Variants in FGD4 observed in about 807,000 individuals in gnomAD.
The protein encoded by FGD4 is FYVE, RhoGEF and PH domain-containing protein 4.
In FGD4, 42 loss-of-function variants were observed where a neutral mutation model predicts 102.0. The ratio of observed to expected loss-of-function variants is 0.41; its 90% CI spans 0.32 to 0.53. The LOEUF (loss-of-function observed/expected upper bound fraction) is 0.53, where lower values mean the gene tolerates loss of function less well. FGD4 is among the 20% of genes least tolerant of loss of function. FGD4 has a pLI of 0.21. For missense variants in FGD4, 902 were observed against 1,078.2 expected (o/e 0.84, Z 2.29); for synonymous variants, 380 against 375.7 (o/e 1.01, Z -0.13).
At chr12:32,497,180 T>C (rs1937873107) in intron 1 of FGD4, among the ~76,000 whole-genome samples, 1 of 152,138 alleles carries the variant, frequency 6.6e-6, no homozygotes, top group African/African-American at 2.4e-5. Context: ...GCTAACCACA[T>C]GAGAGGAATG....
intron 5 of FGD4, among the ~76,000 whole-genome samples, chr12:32,599,061 T>G (rs943179657): frequency 2.6e-5 from 4 of 152,244 alleles, no homozygotes; most frequent in Admixed American, 6.5e-5. Context: ...ATGAAACATT[T>G]AATATAGTAC....
chr12:32,576,357 G>A lies in FGD4; in HGVS notation c.411G>A (p.Arg137=). 1.9e-6 allele frequency: 3 copies of A among 1,614,100 alleles called. No homozygotes were observed. The highest frequency in any genetic ancestry group is 1.7e-6 in the Non-Finnish European group (2 of 1,180,018). Residue 137 remains arginine, a synonymous_variant, in exon 3 of 17, where the codon AGG becomes AGA. Coordinates refer to ENST00000534526, the MANE Select transcript of FGD4 (RefSeq NM_001370298.3). ...AAGCTTTACCTAGTGCAAAACCAAG[G>A]ATGGAGGAAATTAAACCTGCCTCTG... is the stretch of plus-strand genomic sequence containing the variant. The part of the protein sequence containing the change: ...RHKALPSAKP[R]MEEIKPASAS...
At chr12:32,570,240 C>CAAAAAAAA (rs150913094) in intron 2 of FGD4, among the ~76,000 whole-genome samples, 19 of 67,548 alleles carry the variant, frequency 2.8e-4, no homozygotes, top group South Asian at 5.9e-4. Context: ...GACGCTGTCT[C>CAAAAAAAA]AAAAAAAAAA....
intron 1 of FGD4, among the ~76,000 whole-genome samples, chr12:32,474,156 T>C (rs1269725693): frequency 2.0e-5 from 3 of 151,884 alleles, no homozygotes; most frequent in African/African-American, 7.3e-5. Flanking sequence ...CTGGTAGAAA[T>C]GTAAAATGGT....
chr12:32,416,406 G>A (rs543236971), intron 1 of FGD4, among the ~76,000 whole-genome samples: 2 of 152,154 alleles, frequency 1.3e-5, no homozygotes, highest in African/African-American at 4.8e-5. Context: ...TTGTTTTTTG[G>A]TCTTCTCTTC....
At chr12:32,482,607 G>T (rs1283330786) in intron 1 of FGD4, among the ~76,000 whole-genome samples, 1 of 152,158 alleles carries the variant, frequency 6.6e-6, no homozygotes, top group Non-Finnish European at 1.5e-5. Context: ...TATATAAAAT[G>T]ATTTGCTTAC....
rs1301015669 is a variant in FGD4 at position 32,636,078 on chromosome 12, A to AAT, written c.2313+2389_2313+2390insAT. Among the ~76,000 whole-genome samples, 7 of 151,150 alleles carry AAT rather than the reference A, an allele frequency of 4.6e-5. No homozygotes were observed. The East Asian group carries it at 9.7e-4, about 21-fold the overall frequency. ...TAATAAGAATGGAATTCTTTGGGGG[A>AAT]GGATAACCATTCACTTAATTGGAAT... is the stretch of plus-strand genomic sequence containing the variant. On this transcript the variant is annotated intron_variant, in intron 15 of 16. Transcript: ENST00000534526.
intron 1 of FGD4, among the ~76,000 whole-genome samples, chr12:32,414,659 A>G (rs923042439): frequency 1.3e-5 from 2 of 152,158 alleles, no homozygotes; most frequent in African/African-American, 2.4e-5. Flanking sequence ...GCACCCACAA[A>G]TAAGTGAGAA....
At chr12:32,432,293 C>G (rs1444424985) in intron 1 of FGD4, among the ~76,000 whole-genome samples, 2 of 151,508 alleles carry the variant, frequency 1.3e-5, no homozygotes, top group Non-Finnish European at 2.9e-5. Flanking sequence ...ATCTCCTGAC[C>G]TCGTGATCCG....
chr12:32,406,759 C>T (rs2651364), intron 1 of FGD4, among the ~76,000 whole-genome samples: 14,461 of 151,926 alleles, frequency 0.095, 1,318 homozygotes, highest in African/African-American at 0.21. Context: ...ACACCCTTGA[C>T]ATAGTGACTC....
At chr12:32,577,062 C>G (rs1255857081) in intron 3 of FGD4, among the ~76,000 whole-genome samples, 1 of 152,010 alleles carries the variant, frequency 6.6e-6, no homozygotes, top group Non-Finnish European at 1.5e-5. Context: ...AATTTATATT[C>G]TTTAGTCCCA....
chr12:32,502,293 C>A, intron 1 of FGD4: 2 of 985,364 alleles, frequency 2.0e-6, no homozygotes, highest in Non-Finnish European at 2.4e-6. Context: ...TTTACTTCAA[C>A]CATTTGTGAC....
chr12:32,586,504 T>G (rs1947044322), intron 4 of FGD4, among the ~76,000 whole-genome samples: 1 of 152,246 alleles, frequency 6.6e-6, no homozygotes, highest in Non-Finnish European at 1.5e-5. Context: ...ATTCAAACTT[T>G]CCATAAGCCT....
intron 1 of FGD4, among the ~76,000 whole-genome samples, chr12:32,449,166 C>G (rs1439952891): frequency 6.6e-6 from 1 of 152,200 alleles, no homozygotes; most frequent in African/African-American, 2.4e-5. Flanking sequence ...ACCCACTGCC[C>G]CATCATTTCT....
At chr12:32,539,418 A>G (rs763738062) in intron 1 of FGD4, among the ~76,000 whole-genome samples, 3 of 152,064 alleles carry the variant, frequency 2.0e-5, no homozygotes, top group Non-Finnish European at 4.4e-5. Flanking sequence ...AAAAATATCA[A>G]ATTAGCTGGG....
intron 1 of FGD4, among the ~76,000 whole-genome samples, chr12:32,418,082 G>C (rs1045241879): frequency 6.6e-6 from 1 of 151,088 alleles, no homozygotes; most frequent in Non-Finnish European, 1.5e-5. Context: ...TCAGCCTCCC[G>C]AGTAGCTGGG....
At chr12:32,489,586 C>T (rs912849990) in intron 1 of FGD4, among the ~76,000 whole-genome samples, 15 of 152,104 alleles carry the variant, frequency 9.9e-5, no homozygotes, top group African/African-American at 3.6e-4. Context: ...CTTGATTTTA[C>T]AAGAGGAAAG....
intron 1 of FGD4, among the ~76,000 whole-genome samples, chr12:32,545,652 C>G (rs1943173726): frequency 6.6e-6 from 1 of 152,206 alleles, no homozygotes; most frequent in Non-Finnish European, 1.5e-5. Flanking sequence ...TTGTTTTAAT[C>G]TTCCCATTGG....
chr12:32,526,644 C>T (rs1216538514), intron 1 of FGD4, among the ~76,000 whole-genome samples: 3 of 152,222 alleles, frequency 2.0e-5, no homozygotes, highest in Non-Finnish European at 2.9e-5. Context: ...AGGTCCCCTT[C>T]CACACTGTGG....
Sources: allele counts gnomAD v4.1 joint callset (sites outside exome capture counted in the v4.1 genomes callset), GRCh38; gene constraint gnomAD v4.1.1; transcripts MANE v1.5; gene names NCBI Gene and HGNC (gene_info 2026-07-23, HGNC 2026-07-21).